Variants in DTD1 observed in about 807,000 individuals in gnomAD.
The protein encoded by DTD1 is D-aminoacyl-tRNA deacylase 1, also known as D-tyrosyl-tRNA deacylase 1 homolog.
A neutral mutation model predicts 25.6 loss-of-function variants in DTD1; 13 were observed. The observed-to-expected ratio is 0.51, with a 90% CI of 0.33 to 0.81. The LOEUF is 0.81. Ranked by LOEUF, DTD1 falls within the 30% of genes least tolerant of loss-of-function variation. The pLI is 0.02. For missense variants in DTD1, 193 were observed against 266.4 expected (o/e 0.72, Z 1.92); for synonymous variants, 110 against 103.6 (o/e 1.06, Z -0.37).
chr20:18,637,509 G>C (rs1285075844), intron 4 of DTD1, among the ~76,000 whole-genome samples: 1 of 152,216 alleles, frequency 6.6e-6, no homozygotes, highest in Non-Finnish European at 1.5e-5. Flanking sequence ...GTGCAAGATT[G>C]TAGCAGTGTA....
chr20:18,623,009 G>A (rs952030916), intron 3 of DTD1, among the ~76,000 whole-genome samples: 6 of 149,018 alleles, frequency 4.0e-5, no homozygotes, highest in South Asian at 4.2e-4. Context: ...GCGCGATCTC[G>A]GCTCATTGCG....
intron 5 of DTD1, among the ~76,000 whole-genome samples, chr20:18,757,795 TAGGG>T (rs1157848147): frequency 1.4e-4 from 21 of 152,208 alleles, no homozygotes; most frequent in Non-Finnish European, 1.5e-5. Flanking sequence ...TAAAATGAGT[TAGGG>T]AGGATTCCCT....
intron 4 of DTD1, among the ~76,000 whole-genome samples, chr20:18,736,264 A>G (rs146502066): frequency 2.9e-4 from 44 of 152,278 alleles, no homozygotes; most frequent in Non-Finnish European, 4.7e-4. Context: ...AGCCTAGGTA[A>G]GTGCTGCTGG....
Position 18,765,470 on chromosome 20 carries a change from A to G in DTD1, c.*2130A>G, listed in dbSNP as rs947835376. Reference sequence around the variant, plus strand: ...AAAAGAAAGCATTTACTACTTTTGTAAACATTTTGGATTGAAGAGAACTTT... The same window carrying G: ...AAAAGAAAGCATTTACTACTTTTGTGAACATTTTGGATTGAAGAGAACTTT... On this transcript the variant is annotated 3_prime_UTR_variant, in exon 6 of 6. Coordinates refer to ENST00000377452, the MANE Select transcript of DTD1 (RefSeq NM_080820.6). The G allele has an allele frequency of 6.6e-6, 1 of 152,212 alleles. No individual in the cohort carries two copies. Among genetic ancestry groups the G allele is most frequent in the Non-Finnish European group, 1.5e-5 (1 of 68,036 alleles). 9.4% of individuals were successfully genotyped at this position (152,212 alleles called of 1,614,324 possible). A position where few individuals can be genotyped will look rare whatever the true frequency, so the allele number is the denominator to read the frequency against.
At chr20:18,656,007 A>G (rs1307253603) in intron 4 of DTD1, among the ~76,000 whole-genome samples, 2 of 152,014 alleles carry the variant, frequency 1.3e-5, no homozygotes, top group African/African-American at 4.8e-5. Context: ...CCGACCTCAG[A>G]TGGTGCACCT....
At chr20:18,750,072 C>A (rs771296929) in intron 5 of DTD1, among the ~76,000 whole-genome samples, 2 of 152,144 alleles carry the variant, frequency 1.3e-5, no homozygotes, top group Admixed American at 1.3e-4. Context: ...CCTTCAGAGC[C>A]GCCCACAACT....
intron 5 of DTD1, among the ~76,000 whole-genome samples, chr20:18,746,996 C>T (rs1239602798): frequency 4.6e-5 from 7 of 152,130 alleles, no homozygotes; most frequent in African/African-American, 1.2e-4. Flanking sequence ...AGGGAAGGGA[C>T]GTCACATAAA....
At chr20:18,662,367 T>G (rs1245708531) in intron 4 of DTD1, among the ~76,000 whole-genome samples, 1 of 152,150 alleles carries the variant, frequency 6.6e-6, no homozygotes, top group African/African-American at 2.4e-5. Context: ...GCGATCTGCC[T>G]GCCACAGCCT....
chr20:18,728,436 G>A (rs1454440571), intron 4 of DTD1, among the ~76,000 whole-genome samples: 2 of 152,224 alleles, frequency 1.3e-5, no homozygotes, highest in Admixed American at 1.3e-4. Context: ...AAGGTGCACA[G>A]GAGTCCCGTG....
At chr20:18,634,409 T>A (rs935482813) in intron 4 of DTD1, among the ~76,000 whole-genome samples, 2 of 152,204 alleles carry the variant, frequency 1.3e-5, no homozygotes, top group Admixed American at 6.5e-5. Context: ...TCTCATTTAT[T>A]TAGTGCCATC....
At chr20:18,733,163 A>G (rs1199612341) in intron 4 of DTD1, among the ~76,000 whole-genome samples, 1 of 152,174 alleles carries the variant, frequency 6.6e-6, no homozygotes, top group Non-Finnish European at 1.5e-5. Flanking sequence ...TGTGTGGGAC[A>G]TATCTCAGTT....
At chr20:18,594,050 C>T (rs934463679) in intron 2 of DTD1, among the ~76,000 whole-genome samples, 6 of 152,224 alleles carry the variant, frequency 3.9e-5, no homozygotes, top group Non-Finnish European at 5.9e-5. Context: ...TGTCCCCTGT[C>T]TGTTTGCTAC....
intron 3 of DTD1, among the ~76,000 whole-genome samples, chr20:18,601,498 CAAAAAAAAAAAA>C (rs1175102426): frequency 9.0e-6 from 1 of 110,626 alleles, no homozygotes; most frequent in Non-Finnish European, 1.8e-5. Flanking sequence ...GACTCTGTCT[CAAAAAAAAAAAA>C]AAAAAAAAAA....
intron 4 of DTD1, among the ~76,000 whole-genome samples, chr20:18,710,038 C>A (rs2061152220): frequency 6.6e-6 from 1 of 152,024 alleles, no homozygotes; most frequent in Admixed American, 6.6e-5. Flanking sequence ...TATTCACTTC[C>A]ATTATGAATA....
At chr20:18,685,469 G>T (rs2061012934) in intron 4 of DTD1, among the ~76,000 whole-genome samples, 1 of 152,296 alleles carries the variant, frequency 6.6e-6, no homozygotes, top group South Asian at 2.1e-4. Flanking sequence ...GAATGTGCAG[G>T]GGGGCAGAGG....
At chr20:18,635,427 C>A (rs1006902871) in intron 4 of DTD1, among the ~76,000 whole-genome samples, 2 of 152,232 alleles carry the variant, frequency 1.3e-5, no homozygotes, top group Non-Finnish European at 2.9e-5. Flanking sequence ...GACCTCTCAC[C>A]ACACATGGAA....
intron 4 of DTD1, among the ~76,000 whole-genome samples, chr20:18,707,339 C>T (rs2122469279): frequency 6.6e-6 from 1 of 152,326 alleles, no homozygotes; most frequent in East Asian, 1.9e-4. Flanking sequence ...GCCACACACA[C>T]AGTTGTTGTT....
At chr20:18,732,339 T>G (rs2061241389) in intron 4 of DTD1, among the ~76,000 whole-genome samples, 1 of 152,222 alleles carries the variant, frequency 6.6e-6, no homozygotes, top group Non-Finnish European at 1.5e-5. Context: ...TAAACTCTGT[T>G]ACAGTTCATG....
intron 4 of DTD1, among the ~76,000 whole-genome samples, chr20:18,673,985 A>G (rs1254751026): frequency 6.6e-6 from 1 of 152,006 alleles, no homozygotes; most frequent in African/African-American, 2.4e-5. Flanking sequence ...TTTCAGAATC[A>G]CCTTTTCTTA....
Sources: gnomAD v4.1 joint callset for allele counts (sites outside exome capture counted in the v4.1 genomes callset) on GRCh38, gnomAD v4.1.1 for gene constraint, MANE v1.5 for transcripts, NCBI Gene and HGNC (gene_info 2026-07-23, HGNC 2026-07-21) for gene names.